Variants in TBC1D14 observed in about 807,000 individuals in gnomAD.
TBC1D14 encodes the protein TBC1 domain family member 14.
In TBC1D14, 26 loss-of-function variants were observed where a neutral mutation model predicts 79.0. The observed-to-expected ratio is 0.33, with a 90% confidence interval of 0.24 to 0.46. TBC1D14 has a LOEUF of 0.46. TBC1D14 is among the 20% of genes least tolerant of loss of function. The pLI, the probability that TBC1D14 is intolerant of heterozygous loss-of-function variation, is 1.00. For synonymous variants in TBC1D14, 394 were observed against 349.9 expected, an observed-to-expected ratio of 1.13 and a Z score of -1.40; for missense variants, 769 against 887.6, an observed-to-expected ratio of 0.87 and a Z score of 1.70.
chr4:6,970,769 A>G (rs1716152824), intron 3 of TBC1D14, among the ~76,000 whole-genome samples: 1 of 146,480 alleles, frequency 6.8e-6, no homozygotes, highest in East Asian at 2.1e-4. Flanking sequence ...ACCTGCCTCA[A>G]GGAGCCCGTG....
chr4:7,000,869 G>A (rs1478482675), intron 6 of TBC1D14, among the ~76,000 whole-genome samples: 1 of 152,190 alleles, frequency 6.6e-6, no homozygotes, highest in African/African-American at 2.4e-5. Context: ...CATGTGCTCA[G>A]GTCATTCAGA....
intron 2 of TBC1D14, among the ~76,000 whole-genome samples, chr4:6,929,442 T>C (rs1711535399): frequency 6.6e-6 from 1 of 152,150 alleles, no homozygotes; most frequent in Admixed American, 6.5e-5. Context: ...GCAAAGCCCG[T>C]TGACAGCTCA....
chr4:6,945,880 G>T (rs1055005150), intron 2 of TBC1D14, among the ~76,000 whole-genome samples: 8 of 151,518 alleles, frequency 5.3e-5, no homozygotes, highest in African/African-American at 1.9e-4. Context: ...AGGATTACCT[G>T]GCAAACTTAA....
chr4:6,996,681 C>G (rs768685939), intron 5 of TBC1D14, among the ~76,000 whole-genome samples: 9 of 152,198 alleles, frequency 5.9e-5, no homozygotes, highest in Non-Finnish European at 1.3e-4. Context: ...CTGGGAGCCT[C>G]CCAAGGAGGC....
chr4:6,917,661 G>A (rs542168626), intron 1 of TBC1D14, among the ~76,000 whole-genome samples: 3 of 152,108 alleles, frequency 2.0e-5, no homozygotes, highest in Non-Finnish European at 4.4e-5. Flanking sequence ...GATCAGGAGG[G>A]CCCTGTGTGT....
At chr4:7,001,509 G>A (rs972001590) in intron 7 of TBC1D14, 38 of 411,002 alleles carry the variant, frequency 9.2e-5, no homozygotes, top group Non-Finnish European at 1.4e-4. Context: ...CATCGGGGAG[G>A]TGCCTGAGCT....
At chr4:7,024,691 C>A (rs1003180260) in intron 12 of TBC1D14, among the ~76,000 whole-genome samples, 1 of 152,216 alleles carries the variant, frequency 6.6e-6, no homozygotes, top group Admixed American at 6.5e-5. Flanking sequence ...TACAGCGGCC[C>A]CTAAGACAGG....
At chr4:6,982,674 G>A (rs898733641) in intron 3 of TBC1D14, among the ~76,000 whole-genome samples, 3 of 152,160 alleles carry the variant, frequency 2.0e-5, no homozygotes, top group Non-Finnish European at 2.9e-5. Flanking sequence ...AGATGAATAC[G>A]CATATAGGTG....
intron 8 of TBC1D14, among the ~76,000 whole-genome samples, chr4:7,006,061 T>C (rs1720164592): frequency 6.6e-6 from 1 of 152,174 alleles, no homozygotes; most frequent in Admixed American, 6.5e-5. Flanking sequence ...ACACACTGGC[T>C]GGGCACAGTG....
intron 1 of TBC1D14, among the ~76,000 whole-genome samples, chr4:6,916,832 C>G (rs1009441986): frequency 2.6e-5 from 4 of 152,224 alleles, no homozygotes; most frequent in African/African-American, 9.6e-5. Flanking sequence ...CAGTGCCTCC[C>G]GTGGCAGGGT....
chr4:6,999,045 C>A, intron 5 of TBC1D14, 40 bp from the exon 6 acceptor site: 2 of 1,591,794 alleles, frequency 1.3e-6, no homozygotes, highest in Non-Finnish European at 1.7e-6. Flanking sequence ...TGGTCCATAT[C>A]AGTTAGTAGA....
chr4:6,923,139 T>C (rs1724000191), intron 1 of TBC1D14, among the ~76,000 whole-genome samples: 1 of 152,202 alleles, frequency 6.6e-6, no homozygotes, highest in Non-Finnish European at 1.5e-5. Flanking sequence ...AGGCAGAGGT[T>C]TGCAGTAAGC....
At chr4:6,910,714 C>G (rs1722913804) in intron 1 of TBC1D14, 1 of 152,200 alleles carries the variant, frequency 6.6e-6, no homozygotes, top group South Asian at 2.1e-4. Flanking sequence ...CTGTGGACTC[C>G]AGAGCCAGCC....
intron 2 of TBC1D14, among the ~76,000 whole-genome samples, chr4:6,962,137 C>A (rs1715269249): frequency 6.6e-6 from 1 of 152,150 alleles, no homozygotes; most frequent in African/African-American, 2.4e-5. Flanking sequence ...AAGGAGGGAT[C>A]TGAGTGGGCA....
At position 7,001,241 on chromosome 4, in the gene TBC1D14, T is replaced by C; in HGVS notation, c.1260T>C (p.Asn420=). 1 of 1,613,862 alleles carries C rather than the reference T, an allele frequency of 6.2e-7. No individual in the cohort carries two copies. The highest frequency in any genetic ancestry group is 8.5e-7 in the Non-Finnish European group (1 of 1,179,910). The part of the protein sequence containing the change: ...VWSLAIGNEL[N]ITHELFDICL... The stretch of plus-strand genomic sequence containing the variant: ...GCTTAGCCATTGGCAACGAGTTAAA[T>C]ATCACCCACGGTGAGTGGCCTGCAT... Residue 420 remains asparagine (N), a synonymous_variant, in exon 7 of 14, where the codon AAT becomes AAC. Coordinates refer to ENST00000409757, the MANE Select transcript of TBC1D14 (RefSeq NM_020773.3).
At chr4:7,025,875 G>T (rs925175492) in intron 13 of TBC1D14, among the ~76,000 whole-genome samples, 8 of 152,166 alleles carry the variant, frequency 5.3e-5, no homozygotes, top group Admixed American at 5.2e-4. Context: ...CAGTGGGATT[G>T]ACCTGCATTT....
intron 5 of TBC1D14, 128 bp downstream of exon 5, chr4:6,996,535 T>TA (rs11374636): frequency 0.1 from 53,538 of 525,244 alleles, 1,106 homozygotes; most frequent in Middle Eastern, 0.18. Context: ...AGTCTTCCAG[T>TA]AAAAAAAAAA....
At chr4:6,910,857 C>T (rs528478134) in intron 1 of TBC1D14, among the ~76,000 whole-genome samples, 17 of 152,236 alleles carry the variant, frequency 1.1e-4, no homozygotes, top group African/African-American at 3.6e-4. Context: ...GGCACCGGTG[C>T]GTTTTGCCCC....
At chr4:6,975,177 G>C (rs1452673198) in intron 3 of TBC1D14, among the ~76,000 whole-genome samples, 1 of 151,622 alleles carries the variant, frequency 6.6e-6, no homozygotes, top group Admixed American at 6.6e-5. Context: ...GCCTCCCAAA[G>C]TGCTAGGATT....
Sources: allele counts gnomAD v4.1 joint callset (sites outside exome capture counted in the v4.1 genomes callset), GRCh38; gene constraint gnomAD v4.1.1; transcripts MANE v1.5; gene names NCBI Gene and HGNC (gene_info 2026-07-23, HGNC 2026-07-21).